The following NSMCE2 variants were observed in gnomAD, a reference collection of about 807,000 sequenced individuals.
The protein encoded by NSMCE2 is NSE2 SUMO ligase component of SMC5/6 complex, also known as E3 SUMO-protein ligase NSE2.
A neutral mutation model predicts 23.8 loss-of-function variants in NSMCE2; 24 were observed. The ratio of observed to expected loss-of-function variants is 1.01; its 90% confidence interval spans 0.73 to 1.42. The LOEUF (loss-of-function observed/expected upper bound fraction) is 1.42, where lower values mean the gene tolerates loss of function less well. Among genes scored for constraint, NSMCE2 ranks in the 40% most tolerant of loss-of-function variants. The probability of loss-of-function intolerance (pLI) is 0.00; values close to 1 mark genes in which losing one functional copy is unlikely to be tolerated. For missense variants in NSMCE2, 284 were observed against 296.5 expected, an observed-to-expected ratio of 0.96 and a Z score of 0.31; for synonymous variants, 92 against 94.1, an observed-to-expected ratio of 0.98 and a Z score of 0.13.
At chr8:125,305,771 G>C (rs76047556) in intron 5 of NSMCE2, among the ~76,000 whole-genome samples, 3 of 152,186 alleles carry the variant, frequency 2.0e-5, no homozygotes, top group African/African-American at 7.2e-5. Context: ...TCTGACCAAA[G>C]TATAGCCTTG....
intron 5 of NSMCE2, among the ~76,000 whole-genome samples, chr8:125,209,910 G>T (rs1824258404): frequency 1.3e-5 from 2 of 152,206 alleles, no homozygotes; most frequent in Non-Finnish European, 1.5e-5. Context: ...GTGATCATAA[G>T]TTGAAATGAG....
intron 3 of NSMCE2, among the ~76,000 whole-genome samples, chr8:125,118,400 C>CAT (rs1011941989): frequency 6.6e-6 from 1 of 152,008 alleles, no homozygotes; most frequent in African/African-American, 2.4e-5. Context: ...AACAAACACA[C>CAT]ACACACAGAG....
intron 5 of NSMCE2, among the ~76,000 whole-genome samples, chr8:125,305,189 C>T (rs1380951885): frequency 2.0e-5 from 3 of 152,184 alleles, no homozygotes; most frequent in African/African-American, 4.8e-5. Flanking sequence ...TTACTTCAGA[C>T]TGAAACTATA....
chr8:125,128,640 A>G (rs1819619345), intron 3 of NSMCE2, among the ~76,000 whole-genome samples: 1 of 152,220 alleles, frequency 6.6e-6, no homozygotes, highest in Non-Finnish European at 1.5e-5. Context: ...AAAGTGTGGC[A>G]GGGCCATGTG....
intron 7 of NSMCE2, among the ~76,000 whole-genome samples, chr8:125,360,251 A>G (rs948353660): frequency 3.9e-5 from 6 of 152,202 alleles, no homozygotes; most frequent in African/African-American, 1.2e-4. Flanking sequence ...GTGTCCAGGA[A>G]GTGCAGCAAG....
chr8:125,265,421 G>A (rs957853427), intron 5 of NSMCE2, among the ~76,000 whole-genome samples: 1 of 151,824 alleles, frequency 6.6e-6, no homozygotes, highest in Non-Finnish European at 1.5e-5. Flanking sequence ...GGAGTTCTCC[G>A]TGTTGGTCAG....
chr8:125,265,220 T>C (rs1437694578), intron 5 of NSMCE2, among the ~76,000 whole-genome samples: 2 of 141,960 alleles, frequency 1.4e-5, no homozygotes, highest in South Asian at 4.2e-4. Flanking sequence ...TATCATTACT[T>C]TTTTTTTTTT....
chr8:125,119,591 T>G (rs555142111), intron 3 of NSMCE2, among the ~76,000 whole-genome samples: 1 of 152,310 alleles, frequency 6.6e-6, no homozygotes, highest in Non-Finnish European at 1.5e-5. Context: ...TTATTATATC[T>G]CTTTGATCAT....
intron 5 of NSMCE2, among the ~76,000 whole-genome samples, chr8:125,227,691 T>G (rs1277446214): frequency 6.6e-6 from 1 of 152,204 alleles, no homozygotes; most frequent in East Asian, 1.9e-4. Flanking sequence ...CTGTTTCGAA[T>G]TACTTTTCTG....
intron 5 of NSMCE2, among the ~76,000 whole-genome samples, chr8:125,333,505 C>CTTTTTTTTTTTTTTTTTTTT (rs71295847): frequency 4.4e-5 from 2 of 45,628 alleles, no homozygotes; most frequent in African/African-American, 9.4e-5. Context: ...CCTGGTGGTT[C>CTTTTTTTTTTTTTTTTTTTT]TTTTTTTTTT....
At chr8:125,264,423 T>C (rs1826829697) in intron 5 of NSMCE2, among the ~76,000 whole-genome samples, 2 of 152,190 alleles carry the variant, frequency 1.3e-5, no homozygotes, top group Non-Finnish European at 2.9e-5. Flanking sequence ...TTTCCTTTTT[T>C]TGAAATGGAG....
intron 5 of NSMCE2, among the ~76,000 whole-genome samples, chr8:125,294,493 C>G (rs910877935): frequency 4.6e-5 from 7 of 152,134 alleles, no homozygotes; most frequent in African/African-American, 1.7e-4. Context: ...TGTAGACATC[C>G]TAGTGGGCAT....
At chr8:125,142,124 A>G (rs1232947100) in intron 3 of NSMCE2, among the ~76,000 whole-genome samples, 1 of 152,228 alleles carries the variant, frequency 6.6e-6, no homozygotes, top group Non-Finnish European at 1.5e-5. Flanking sequence ...TTACACTTGC[A>G]GAATAGTTAT....
At chr8:125,204,536 C>T (rs556992517) in intron 5 of NSMCE2, among the ~76,000 whole-genome samples, 38 of 152,260 alleles carry the variant, frequency 2.5e-4, no homozygotes, top group African/African-American at 7.5e-4. Flanking sequence ...AATTTTTCCC[C>T]GTACACAAAG....
chr8:125,159,184 CATT>C (rs1285997822), intron 4 of NSMCE2, among the ~76,000 whole-genome samples: 5 of 152,174 alleles, frequency 3.3e-5, no homozygotes, highest in South Asian at 2.1e-4. Flanking sequence ...ATACTGTTAT[CATT>C]ATTCTATTTT....
intron 4 of NSMCE2, among the ~76,000 whole-genome samples, chr8:125,171,439 C>T (rs1267540471): frequency 1.3e-5 from 2 of 152,138 alleles, no homozygotes; most frequent in Non-Finnish European, 2.9e-5. Context: ...GCTCTTCAAC[C>T]CCTTGTAATT....
At chr8:125,290,914 G>A (rs919739477) in intron 5 of NSMCE2, among the ~76,000 whole-genome samples, 4 of 152,132 alleles carry the variant, frequency 2.6e-5, no homozygotes, top group African/African-American at 9.7e-5. Context: ...TGTACCATGA[G>A]GTCAGGCACC....
chr8:125,176,114 G>A lies in NSMCE2; in HGVS notation c.265-5989G>A, dbSNP rs190286329. ...CACAAGTGATTTTGAGCTAAAATGA[G>A]CAATTCGTTGAAGAGTCTGTGGAAT... On this transcript the variant is annotated intron_variant, in intron 4 of 7. Coordinates refer to ENST00000287437, the MANE Select transcript of NSMCE2 (RefSeq NM_173685.4). 7.9e-5 allele frequency among the ~76,000 whole-genome samples: 12 copies of A among 152,302 alleles called. No homozygotes were observed. The East Asian group carries it at 2.3e-3, about 29-fold the overall frequency.
intron 5 of NSMCE2, among the ~76,000 whole-genome samples, chr8:125,193,852 G>C (rs1199934810): frequency 6.6e-6 from 1 of 152,166 alleles, no homozygotes; most frequent in Non-Finnish European, 1.5e-5. Context: ...ACAGTGAGAA[G>C]CAGCCTCATA....
Sources: allele counts gnomAD v4.1 joint callset (sites outside exome capture counted in the v4.1 genomes callset), GRCh38; gene constraint gnomAD v4.1.1; transcripts MANE v1.5; gene names NCBI Gene and HGNC (gene_info 2026-07-23, HGNC 2026-07-21).